CCDC68: variants seen among roughly 807,000 people sequenced by gnomAD.
CCDC68 encodes coiled-coil domain-containing protein 68.
Under a neutral mutation model 47.1 loss-of-function variants are expected in CCDC68, and 45 were observed. That is an observed-to-expected ratio of 0.96 (90% confidence interval 0.75 to 1.23). The LOEUF (loss-of-function observed/expected upper bound fraction) is 1.23, where lower values mean the gene tolerates loss of function less well. Among genes scored for constraint, CCDC68 ranks in the 50% most tolerant of loss-of-function variants. The pLI, the probability that CCDC68 is intolerant of heterozygous loss-of-function variation, is 0.00. For synonymous variants in CCDC68, 131 were observed against 129.5 expected, an observed-to-expected ratio of 1.01 and a Z score of -0.08; for missense variants, 353 against 373.6, an observed-to-expected ratio of 0.94 and a Z score of 0.45.
intron 8 of CCDC68, among the ~76,000 whole-genome samples, chr18:54,926,533 G>A (rs1027603232): frequency 3.9e-5 from 6 of 152,126 alleles, no homozygotes; most frequent in East Asian, 1.9e-4. Context: ...TCATCTTTTC[G>A]GGTGGGGACA....
chr18:54,930,637 C>T (rs11877304), intron 7 of CCDC68, among the ~76,000 whole-genome samples: 4,100 of 16,266 alleles, frequency 0.25, 786 homozygotes, highest in East Asian at 0.7. Flanking sequence ...CTCCCTCCCT[C>T]CCTCCCTCCC....
In CCDC68 at chr18:54,904,086, T is replaced by A. The variant is rs1380201997; in HGVS notation, c.*272A>T. On this transcript the variant is annotated 3_prime_UTR_variant, in exon 12 of 12. Coordinates refer to ENST00000591504, the MANE Select transcript of CCDC68 (RefSeq NM_025214.3). ...AAAAATCTGAAAACAAGATTCAGAT[T>A]TTTTTTTTTTTTTAATTTAAAGCAG... is the stretch of plus-strand genomic sequence containing the variant. The A allele has an allele frequency of 9.6e-3, 49 of 5,124 alleles. 1 individual carries two copies. The Admixed American group carries it at 0.14, about 15-fold the overall frequency. 0.3% of individuals were successfully genotyped at this position (5,124 alleles called of 1,614,324 possible). A position where few individuals can be genotyped will look rare whatever the true frequency, so the allele number is the denominator to read the frequency against.
intron 8 of CCDC68, 58 bp from the exon 9 acceptor site, chr18:54,919,434 C>G: frequency 7.5e-7 from 1 of 1,336,294 alleles, no homozygotes; most frequent in Non-Finnish European, 1.1e-6. Context: ...CGTTCCATAG[C>G]TCGTCCTTAC....
intron 10 of CCDC68, among the ~76,000 whole-genome samples, chr18:54,911,194 C>T (rs1008164356): frequency 6.6e-6 from 1 of 150,392 alleles, no homozygotes; most frequent in South Asian, 2.2e-4. Flanking sequence ...ATTACAAGCA[C>T]GTGCTACCAC....
At chr18:54,957,623 A>ATACT (rs1568169306) in intron 1 of CCDC68, among the ~76,000 whole-genome samples, 1 of 88,150 alleles carries the variant, frequency 1.1e-5, no homozygotes, top group Non-Finnish European at 2.5e-5. Flanking sequence ...ACACACACAC[A>ATACT]CACACTCTCT....
chr18:54,938,092 A>G lies in CCDC68; in HGVS notation c.210T>C (p.Cys70=), dbSNP rs2044379359. 3 of 1,612,718 alleles carry G rather than the reference A, an allele frequency of 1.9e-6. No individual in the cohort carries two copies. Among genetic ancestry groups the G allele is most frequent in the African/African-American group, 2.7e-5 (2 of 74,952 alleles). The change falls in exon 5 of 12, where the codon TGT becomes TGC. Residue 70 remains cysteine, a synonymous_variant. Transcript: ENST00000591504. ...AATCAGAGCCCTGTTGAAGGTTTCC[A>G]CAGTGCTGAAACGGACAAATGAAAA... is the stretch of plus-strand genomic sequence containing the variant. ...STNHKLDAKH[C]GNLQQGSDSE...
chr18:54,959,162 G>C (rs913750319), intron 1 of CCDC68, 174 bp downstream of exon 1: 1 of 152,248 alleles, frequency 6.6e-6, no homozygotes, highest in South Asian at 2.1e-4. Context: ...GCCCAGAACC[G>C]AGGTTTCCAG....
At chr18:54,924,607 T>C (rs919908001) in intron 8 of CCDC68, among the ~76,000 whole-genome samples, 9 of 152,274 alleles carry the variant, frequency 5.9e-5, no homozygotes, top group Middle Eastern at 3.4e-3. Context: ...TTCCTTAGCA[T>C]TCAAGAAAGG....
At chr18:54,931,282 C>G (rs576931452) in intron 7 of CCDC68, among the ~76,000 whole-genome samples, 40 of 152,104 alleles carry the variant, frequency 2.6e-4, no homozygotes, top group Non-Finnish European at 4.4e-4. Flanking sequence ...TCTCACCATA[C>G]CAGATAGCGC....
chr18:54,939,636 T>A (rs2145571666), intron 4 of CCDC68, among the ~76,000 whole-genome samples: 1 of 152,192 alleles, frequency 6.6e-6, no homozygotes, highest in African/African-American at 2.4e-5. Context: ...GGCAACACAG[T>A]GTCGTCACCA....
chr18:54,919,908 T>C (rs976025905), intron 8 of CCDC68, among the ~76,000 whole-genome samples: 9 of 152,200 alleles, frequency 5.9e-5, no homozygotes, highest in Non-Finnish European at 1.3e-4. Flanking sequence ...TTGGTAATTC[T>C]ACTATCATTC....
At chr18:54,945,118 C>G (rs2044503602) in intron 2 of CCDC68, among the ~76,000 whole-genome samples, 1 of 152,100 alleles carries the variant, frequency 6.6e-6, no homozygotes, top group Non-Finnish European at 1.5e-5. Flanking sequence ...ACATTTGGAA[C>G]TGCTTTAAAA....
At chr18:54,913,251 C>A (rs1370131619) in intron 10 of CCDC68, among the ~76,000 whole-genome samples, 2 of 152,196 alleles carry the variant, frequency 1.3e-5, no homozygotes, top group Non-Finnish European at 2.9e-5. Flanking sequence ...CGTAGCATGA[C>A]TAAACAGAGA....
intron 6 of CCDC68, among the ~76,000 whole-genome samples, chr18:54,935,589 G>C (rs556046806): frequency 6.6e-6 from 1 of 152,088 alleles, no homozygotes; most frequent in African/African-American, 2.4e-5. Flanking sequence ...GGCTGGTGCC[G>C]AGCCCACATT....
At chr18:54,909,823 C>T (rs1286937639) in intron 10 of CCDC68, among the ~76,000 whole-genome samples, 4 of 152,236 alleles carry the variant, frequency 2.6e-5, no homozygotes, top group South Asian at 2.1e-4. Flanking sequence ...TGCCAGGAAC[C>T]GCAAGGCCCC....
chr18:54,924,815 C>T (rs1420055253), intron 8 of CCDC68, among the ~76,000 whole-genome samples: 1 of 152,156 alleles, frequency 6.6e-6, no homozygotes, highest in Admixed American at 6.5e-5. Context: ...TCACAATACT[C>T]GACAATCTAT....
At chr18:54,953,346 G>A (rs2044650596) in intron 1 of CCDC68, among the ~76,000 whole-genome samples, 1 of 152,078 alleles carries the variant, frequency 6.6e-6, no homozygotes, top group South Asian at 2.1e-4. Context: ...TTAAAAAATA[G>A]TAACCTGGCA....
intron 1 of CCDC68, among the ~76,000 whole-genome samples, chr18:54,949,332 C>T (rs1240840741): frequency 6.6e-6 from 1 of 152,182 alleles, no homozygotes; most frequent in Non-Finnish European, 1.5e-5. Flanking sequence ...CGGCACATAG[C>T]AAAGTCTACC....
intron 11 of CCDC68, among the ~76,000 whole-genome samples, chr18:54,906,826 G>C (rs1383470687): frequency 1.3e-5 from 2 of 152,184 alleles, no homozygotes; most frequent in African/African-American, 4.8e-5. Context: ...GCATCTGGAG[G>C]CCAAAAGATT....
Sources: allele counts gnomAD v4.1 joint callset (sites outside exome capture counted in the v4.1 genomes callset), GRCh38; gene constraint gnomAD v4.1.1; transcripts MANE v1.5; gene names NCBI Gene and HGNC (gene_info 2026-07-23, HGNC 2026-07-21).